GPM6B: variants seen among roughly 807,000 people sequenced by gnomAD.
The protein encoded by GPM6B is glycoprotein M6B, also known as neuronal membrane glycoprotein M6-b.
GPM6B carries 4 observed loss-of-function variants against 27.2 expected under a neutral mutation model. The observed-to-expected ratio is 0.15, with a 90% CI of 0.07 to 0.34. The LOEUF is 0.34. GPM6B is among the 10% of genes least tolerant of loss of function. GPM6B has a pLI of 1.00. For missense variants in GPM6B, 183 were observed against 261.9 expected (o/e 0.70, Z 2.08); for synonymous variants, 124 against 103.1 (o/e 1.20, Z -1.23).
intron 1 of GPM6B, among the ~76,000 whole-genome samples, chrX:13,856,499 G>C (rs1432450667): frequency 1.8e-5 from 2 of 111,807 alleles, no homozygotes; most frequent in African/African-American, 6.5e-5. Context: ...CCTATGCACA[G>C]TGAAATTTGG....
At chrX:13,790,026 A>T (rs1268772013) in intron 2 of GPM6B, among the ~76,000 whole-genome samples, 1 of 111,017 alleles carries the variant, frequency 9.0e-6, no homozygotes, top group Admixed American at 9.5e-5. Context: ...TTTATTTTTT[A>T]ATTTTTTTGT....
At chrX:13,867,385 C>T (rs191095344) in intron 1 of GPM6B, among the ~76,000 whole-genome samples, 176 of 112,620 alleles carry the variant, frequency 1.6e-3, no homozygotes, top group African/African-American at 5.4e-3. Flanking sequence ...GCTGGGACTA[C>T]AAGCGTGAGC....
chrX:13,832,539 C>T (rs371998764), intron 1 of GPM6B, among the ~76,000 whole-genome samples: 15 of 111,118 alleles, frequency 1.3e-4, no homozygotes, highest in African/African-American at 3.6e-4. Context: ...GGGTGGTCCA[C>T]GGTTGGTATA....
chrX:13,894,551 T>C (rs1415576441), intron 1 of GPM6B, among the ~76,000 whole-genome samples: 1 of 112,311 alleles, frequency 8.9e-6, no homozygotes, highest in Admixed American at 9.4e-5. Flanking sequence ...CTATTTAGCA[T>C]ATTTGTCCTC....
intron 1 of GPM6B, among the ~76,000 whole-genome samples, chrX:13,886,218 T>C (rs1198240292): frequency 8.9e-6 from 1 of 112,020 alleles, no homozygotes; most frequent in African/African-American, 3.2e-5. Flanking sequence ...TCTAAGCTAA[T>C]GAATCAGAAA....
At chrX:13,913,586 T>C (rs1356121359) in intron 1 of GPM6B, among the ~76,000 whole-genome samples, 2 of 112,257 alleles carry the variant, frequency 1.8e-5, no homozygotes, top group Non-Finnish European at 3.8e-5. Context: ...GGTCAAAACA[T>C]GAATCAAAAG....
chrX:13,803,190 G>T (rs1170756674), intron 2 of GPM6B, among the ~76,000 whole-genome samples: 2 of 111,324 alleles, frequency 1.8e-5, no homozygotes, highest in Non-Finnish European at 1.9e-5. Context: ...GCCTAGAAGG[G>T]GGCCAAGGGA....
Position 13,836,261 on chromosome X carries a change from G to GTT in GPM6B, c.-197-50455_-197-50454dup, listed in dbSNP as rs762513395. On this transcript the variant is annotated intron_variant, in intron 1 of 6. Transcript: ENST00000398361. ...AAAAAATTAATGGTAACTTAAATGG[G>GTT]TTGTGTGATTCTAATGCTAAAGCAT... Among the ~76,000 whole-genome samples, 18 of 111,495 alleles carry GTT rather than the reference G, an allele frequency of 1.6e-4. 1 individual carries two copies. Among genetic ancestry groups the GTT allele is most frequent in the Admixed American group, 1.5e-3 (16 of 10,425 alleles).
chrX:13,864,651 C>T (rs1019094993), intron 1 of GPM6B, among the ~76,000 whole-genome samples: 1 of 112,311 alleles, frequency 8.9e-6, no homozygotes, highest in African/African-American at 3.2e-5. Context: ...GTGAGCCCCA[C>T]AGAGAAATGA....
intron 1 of GPM6B, among the ~76,000 whole-genome samples, chrX:13,810,743 TTA>T (rs1491257041): frequency 4.0e-5 from 4 of 98,889 alleles, no homozygotes; most frequent in African/African-American, 1.6e-4. Context: ...AATTCAGGAT[TTA>T]AAAAAAAAAA....
At chrX:13,920,544 C>A (rs1238706473) in intron 1 of GPM6B, among the ~76,000 whole-genome samples, 1 of 111,273 alleles carries the variant, frequency 9.0e-6, no homozygotes, top group Non-Finnish European at 1.9e-5. Context: ...AGCCATTGTA[C>A]TATTCATTAG....
At chrX:13,789,872 G>T (rs1246857641) in intron 2 of GPM6B, among the ~76,000 whole-genome samples, 1 of 111,486 alleles carries the variant, frequency 9.0e-6, no homozygotes, top group Non-Finnish European at 1.9e-5. Context: ...TTGAAACAGG[G>T]TCTTGCTCTG....
intron 1 of GPM6B, among the ~76,000 whole-genome samples, chrX:13,931,351 G>A (rs767033502): frequency 3.6e-5 from 4 of 109,755 alleles, no homozygotes; most frequent in African/African-American, 6.6e-5. Flanking sequence ...AGCCGGGCAT[G>A]GTGGTGGGCG....
At chrX:13,784,887 C>T (rs2048581030) in intron 3 of GPM6B, among the ~76,000 whole-genome samples, 1 of 111,906 alleles carries the variant, frequency 8.9e-6, no homozygotes, top group Non-Finnish European at 1.9e-5. Context: ...TGTTAAAATA[C>T]TGCTCCTGTA....
chrX:13,869,752 T>C (rs188657694), intron 1 of GPM6B, among the ~76,000 whole-genome samples: 25 of 112,497 alleles, frequency 2.2e-4, no homozygotes, highest in African/African-American at 7.4e-4. Flanking sequence ...AGAGTTCCAA[T>C]ACATCCTTCA....
chrX:13,907,498 A>G lies in GPM6B; in HGVS notation c.-198+30829T>C, dbSNP rs181466883. Among the ~76,000 whole-genome samples, 404 of 111,815 alleles carry G rather than the reference A, an allele frequency of 3.6e-3. 1 individual carries two copies. Among genetic ancestry groups the G allele is most frequent in the Non-Finnish European group, 5.4e-3 (286 of 53,165 alleles). Reference sequence around the variant, plus strand: ...CAGGAGTTCGAGACCAGCCTGACCAACATGGTGAAACCCCGTCTCTACTAA... The same window carrying G: ...CAGGAGTTCGAGACCAGCCTGACCAGCATGGTGAAACCCCGTCTCTACTAA... On this transcript the variant is annotated intron_variant, in intron 1 of 6. Transcript: ENST00000398361.
chrX:13,774,452 C>CA (rs1339485764), intron 7 of GPM6B: 19 of 1,160,776 alleles, frequency 1.6e-5, no homozygotes, highest in Non-Finnish European at 2.2e-5. Flanking sequence ...ATTACTGTAA[C>CA]AAAATTGCAG....
chrX:13,793,286 C>G (rs1049700451), intron 2 of GPM6B, among the ~76,000 whole-genome samples: 9 of 111,053 alleles, frequency 8.1e-5, no homozygotes, highest in Non-Finnish European at 1.7e-4. Context: ...GCAAGCCACC[C>G]TCTGACCCCC....
chrX:13,834,949 T>C (rs963433206), intron 1 of GPM6B, among the ~76,000 whole-genome samples: 1 of 112,268 alleles, frequency 8.9e-6, no homozygotes, highest in African/African-American at 3.2e-5. Context: ...TCAGGTACTG[T>C]GGATATAAAA....
Sources: allele counts gnomAD v4.1 joint callset (sites outside exome capture counted in the v4.1 genomes callset), GRCh38; gene constraint gnomAD v4.1.1; transcripts MANE v1.5; gene names NCBI Gene and HGNC (gene_info 2026-07-23, HGNC 2026-07-21).